The following PLA2G4A variants were observed in gnomAD, a reference collection of about 807,000 sequenced individuals.
PLA2G4A encodes the protein phospholipase A2 group IVA, also known as cytosolic phospholipase A2.
PLA2G4A carries 40 observed loss-of-function variants against 81.9 expected under a neutral mutation model. The observed-to-expected ratio is 0.49, with a 90% CI of 0.38 to 0.64. PLA2G4A has a LOEUF of 0.64. Ranked by LOEUF, PLA2G4A falls within the 30% of genes least tolerant of loss-of-function variation. PLA2G4A has a pLI of 0.00. For missense variants in PLA2G4A, 715 were observed against 905.1 expected, an observed-to-expected ratio of 0.79 and a Z score of 2.69; for synonymous variants, 302 against 296.9, an observed-to-expected ratio of 1.02 and a Z score of -0.18.
chr1:186,972,353 A>G (rs1007762292), intron 15 of PLA2G4A, among the ~76,000 whole-genome samples: 5 of 152,140 alleles, frequency 3.3e-5, no homozygotes, highest in African/African-American at 1.2e-4. Flanking sequence ...AGCTCATCCA[A>G]AGACAATCAG....
rs566070658 is a variant in PLA2G4A, at chr1:186,987,471, G to T, written c.2119-906G>T. On this transcript the variant is annotated intron_variant, in intron 17 of 17. Coordinates refer to ENST00000367466, the MANE Select transcript of PLA2G4A (RefSeq NM_024420.3). ...ACTCTGTGACTTGCCTCGGTTTCCT[G>T]ATGCCCAGAAACATCTATCTCATTG... 3.3e-5 allele frequency among the ~76,000 whole-genome samples: 5 copies of T among 152,214 alleles called. No individual in the cohort carries two copies. The South Asian group carries it at 1.0e-3, about 32-fold the overall frequency.
chr1:186,832,596 A>C (rs926816653), intron 1 of PLA2G4A, among the ~76,000 whole-genome samples: 1 of 152,206 alleles, frequency 6.6e-6, no homozygotes, highest in Non-Finnish European at 1.5e-5. Context: ...TGGATAATTG[A>C]TATACGAAAA....
intron 6 of PLA2G4A, among the ~76,000 whole-genome samples, chr1:186,908,096 G>C (rs1277263549): frequency 6.6e-6 from 1 of 151,758 alleles, no homozygotes. Flanking sequence ...TGTTTTCAAA[G>C]AAAAATTCAA....
intron 1 of PLA2G4A, among the ~76,000 whole-genome samples, chr1:186,832,364 A>G (rs1373770825): frequency 6.6e-6 from 1 of 152,098 alleles, no homozygotes; most frequent in Non-Finnish European, 1.5e-5. Context: ...TCTCCTTAAA[A>G]TGTTGTCTTC....
chr1:186,834,928 T>A (rs2179189), intron 1 of PLA2G4A, among the ~76,000 whole-genome samples: 75,014 of 151,962 alleles, frequency 0.49, 20,347 homozygotes, highest in African/African-American at 0.73. Flanking sequence ...TTGGACAAAA[T>A]AATTATTATT....
At chr1:186,885,777 A>T (rs1244949423) in intron 3 of PLA2G4A, among the ~76,000 whole-genome samples, 1 of 152,160 alleles carries the variant, frequency 6.6e-6, no homozygotes, top group Non-Finnish European at 1.5e-5. Context: ...AACTCAGTAG[A>T]TGGTTTTACT....
At chr1:186,935,279 T>C (rs1655899693) in intron 8 of PLA2G4A, among the ~76,000 whole-genome samples, 1 of 151,752 alleles carries the variant, frequency 6.6e-6, no homozygotes, top group East Asian at 1.9e-4. Flanking sequence ...GAATAAAACA[T>C]GAGAGTACAA....
At chr1:186,884,049 A>T (rs539140407) in intron 3 of PLA2G4A, among the ~76,000 whole-genome samples, 1 of 152,136 alleles carries the variant, frequency 6.6e-6, no homozygotes, top group South Asian at 2.1e-4. Context: ...GGCAAAACCA[A>T]TATTTACAGA....
chr1:186,934,561 CAT>C (rs1655874478), intron 8 of PLA2G4A, among the ~76,000 whole-genome samples: 2 of 150,774 alleles, frequency 1.3e-5, no homozygotes, highest in South Asian at 2.1e-4. Flanking sequence ...CACACACACA[CAT>C]ATATGTATAC....
chr1:186,977,276 T>C (rs1407240887), intron 15 of PLA2G4A, among the ~76,000 whole-genome samples: 1 of 152,240 alleles, frequency 6.6e-6, no homozygotes, highest in Non-Finnish European at 1.5e-5. Flanking sequence ...TTCACATGGT[T>C]ATAAATTCTC....
rs555638098 is a variant in PLA2G4A at position 186,879,981 on chromosome 1, C to T, written c.115+9465C>T. On this transcript the variant is annotated intron_variant, in intron 3 of 17. Transcript: ENST00000367466. ...ATTAGGTATATCTCCTAATGCTATC[C>T]CTCCCTCCTCCTCCCACCCCACAAC... is the stretch of plus-strand genomic sequence containing the variant. Among the ~76,000 whole-genome samples, 4 of 151,864 alleles carry T rather than the reference C, an allele frequency of 2.6e-5. No individual in the cohort carries two copies. In the South Asian group the frequency reaches 8.3e-4, roughly 32 times the overall value.
At chr1:186,885,742 A>C (rs2102092420) in intron 3 of PLA2G4A, among the ~76,000 whole-genome samples, 1 of 152,312 alleles carries the variant, frequency 6.6e-6, no homozygotes, top group Admixed American at 6.5e-5. Context: ...GGAAAATTTT[A>C]AACTGAAAAA....
At chr1:186,841,619 T>C (rs925018169) in intron 1 of PLA2G4A, among the ~76,000 whole-genome samples, 2 of 152,162 alleles carry the variant, frequency 1.3e-5, no homozygotes, top group Non-Finnish European at 2.9e-5. Flanking sequence ...TTATGAATAT[T>C]TCCTCCTTCT....
intron 6 of PLA2G4A, among the ~76,000 whole-genome samples, chr1:186,909,003 T>C (rs1337665050): frequency 7.1e-6 from 1 of 140,100 alleles, no homozygotes; most frequent in Non-Finnish European, 1.5e-5. Flanking sequence ...AGACGGAGTC[T>C]TGCCCTGTCA....
At chr1:186,983,782 T>C (rs771939973) in intron 17 of PLA2G4A, among the ~76,000 whole-genome samples, 1 of 152,022 alleles carries the variant, frequency 6.6e-6, no homozygotes, top group Non-Finnish European at 1.5e-5. Context: ...TGCAGAGGCA[T>C]TGGAGTCTGA....
intron 7 of PLA2G4A, among the ~76,000 whole-genome samples, chr1:186,926,714 G>A (rs1655562074): frequency 6.6e-6 from 1 of 152,202 alleles, no homozygotes; most frequent in African/African-American, 2.4e-5. Context: ...AATTTGGGTA[G>A]TATATATTTG....
At chr1:186,960,835 C>A (rs1571445763) in intron 14 of PLA2G4A, among the ~76,000 whole-genome samples, 1 of 152,054 alleles carries the variant, frequency 6.6e-6, no homozygotes, top group East Asian at 1.9e-4. Flanking sequence ...TTAGTGGAAG[C>A]CATAGGAAGG....
intron 3 of PLA2G4A, among the ~76,000 whole-genome samples, chr1:186,886,513 T>C (rs1347582583): frequency 6.6e-6 from 1 of 152,202 alleles, no homozygotes; most frequent in African/African-American, 2.4e-5. Flanking sequence ...ATCATAAATA[T>C]ATCAAAGGAA....
At chr1:186,951,158 C>T (rs1656547956) in intron 13 of PLA2G4A, among the ~76,000 whole-genome samples, 1 of 152,054 alleles carries the variant, frequency 6.6e-6, no homozygotes, top group South Asian at 2.1e-4. Context: ...ACCCTTATCC[C>T]ACTGGCTACA....
Sources: gnomAD v4.1 joint callset for allele counts (sites outside exome capture counted in the v4.1 genomes callset) on GRCh38, gnomAD v4.1.1 for gene constraint, MANE v1.5 for transcripts, NCBI Gene and HGNC (gene_info 2026-07-23, HGNC 2026-07-21) for gene names.